Variants in GRIK4 observed in about 807,000 individuals in gnomAD.
GRIK4 encodes glutamate receptor ionotropic, kainate 4.
GRIK4 carries 40 observed loss-of-function variants against 104.9 expected under a neutral mutation model. The observed-to-expected ratio is 0.38, with a 90% confidence interval of 0.30 to 0.50. GRIK4 has a LOEUF of 0.50. Among genes scored for constraint, GRIK4 ranks in the 20% least tolerant of loss-of-function variants. The pLI is 0.93. For synonymous variants in GRIK4, 485 were observed against 524.9 expected (o/e 0.92, Z 1.04); for missense variants, 1,047 against 1,308.1 (o/e 0.80, Z 3.08).
chr11:120,782,874 G>A (rs1952186425), intron 3 of GRIK4, among the ~76,000 whole-genome samples: 1 of 152,184 alleles, frequency 6.6e-6, no homozygotes, highest in African/African-American at 2.4e-5. Context: ...TGTCACAACT[G>A]GGGAGGGTGC....
chr11:120,742,491 G>A (rs1951351526), intron 3 of GRIK4, among the ~76,000 whole-genome samples: 1 of 150,038 alleles, frequency 6.7e-6, no homozygotes. Context: ...CATCTCACAC[G>A]TTTCAGAATG....
rs77497457 is a variant in GRIK4 at position 120,964,296 on chromosome 11, G to A, written c.2266+1615G>A. Among the ~76,000 whole-genome samples the A allele has an allele frequency of 2.0e-5, 3 of 152,020 alleles. No homozygotes were observed. In the South Asian group the frequency reaches 6.2e-4, roughly 32 times the overall value. ...CGTGAGCCACCACTACTTGACAAAAGCAAATGACTTAAATTCTGATCAGAA... is the reference window on the plus strand; with the variant it reads ...CGTGAGCCACCACTACTTGACAAAAACAAATGACTTAAATTCTGATCAGAA... On this transcript the variant is annotated intron_variant, in intron 18 of 20. Transcript: ENST00000527524.
intron 11 of GRIK4, among the ~76,000 whole-genome samples, chr11:120,878,415 G>A (rs185260361): frequency 1.1e-3 from 167 of 152,214 alleles, no homozygotes; most frequent in African/African-American, 3.9e-3. Context: ...AAGAGTGTTC[G>A]TGAACTGCAG....
intron 4 of GRIK4, among the ~76,000 whole-genome samples, chr11:120,809,655 T>C (rs766812877): frequency 6.6e-6 from 1 of 152,262 alleles, no homozygotes; most frequent in African/African-American, 2.4e-5. Context: ...AGGCCATTTA[T>C]GATCCAGTGA....
At chr11:120,794,855 C>G (rs1309774009) in intron 3 of GRIK4, among the ~76,000 whole-genome samples, 1 of 152,040 alleles carries the variant, frequency 6.6e-6, no homozygotes, top group African/African-American at 2.4e-5. Context: ...CAGGTGGGGA[C>G]GAAGGCATGA....
rs767901005 is a variant in GRIK4, at chr11:120,956,970, A to G, written c.1874+17A>G. ...TGGCGTCTGGTAAGGCCCCAGGCAG[A>G]GGTGAACCAGGCCAGGTGGGGTGGG... On this transcript the variant is annotated intron_variant, in intron 16 of 20. Transcript: ENST00000527524. This position sits in a 1 kb window ranked among gnomAD's most constrained non-coding sequence, Gnocchi z 4.6. 6.4e-7 allele frequency: 1 copy of G among 1,572,530 alleles called. No homozygotes were observed. The highest frequency in any genetic ancestry group is 1.2e-5 in the South Asian group (1 of 83,844).
At chr11:120,607,681 AGGGGTGTG>A (rs1250189193) in intron 1 of GRIK4, among the ~76,000 whole-genome samples, 1 of 152,018 alleles carries the variant, frequency 6.6e-6, no homozygotes, top group African/African-American at 2.4e-5. Flanking sequence ...AATCCAGGAG[AGGGGTGTG>A]GGCGTGAGAC....
chr11:120,691,865 C>CCTGT (rs1950370186), intron 3 of GRIK4, among the ~76,000 whole-genome samples: 2 of 152,220 alleles, frequency 1.3e-5, no homozygotes, highest in Admixed American at 6.5e-5. Context: ...AACTGCTGTA[C>CCTGT]TGTTGCCTGT....
Position 120,986,028 on chromosome 11 carries a change from G to T in GRIK4, c.2639G>T (p.Arg880Leu). 6.6e-7 allele frequency: 1 copy of T among 1,524,952 alleles called. No individual in the cohort carries two copies. 94.5% of individuals were successfully genotyped at this position (1,524,952 alleles called of 1,614,324 possible). Residue 880 changes from arginine (R) to leucine (L), a missense_variant, in exon 21 of 21, where the codon CGA becomes CTA. Arg to Leu is a moderately radical substitution (Grantham distance 102, BLOSUM62 -2). Around this residue, in one of 3 missense-constraint regions of GRIK4, gnomAD observed 160 missense variants for 140.9 expected, o/e 1.14. Coordinates refer to ENST00000527524, the MANE Select transcript of GRIK4 (RefSeq NM_014619.5). The stretch of plus-strand genomic sequence containing the variant: ...CGGCCCCCCATCCCCGAGGAGCGCC[G>T]ACCGCGGGGCACGGCGACGCTCAGC... ...PPRPPIPEER[R>L]PRGTATLSNG...
intron 1 of GRIK4, among the ~76,000 whole-genome samples, chr11:120,634,379 C>T (rs1949370051): frequency 1.3e-5 from 2 of 152,138 alleles, no homozygotes; most frequent in Admixed American, 6.5e-5. Flanking sequence ...CCAGCTTTCC[C>T]CATTCCAAAG....
chr11:120,697,184 G>T (rs971427973), intron 3 of GRIK4, among the ~76,000 whole-genome samples: 1 of 152,198 alleles, frequency 6.6e-6, no homozygotes, highest in Middle Eastern at 3.2e-3. Context: ...TTCTATTCTT[G>T]AAGGAGGGAC....
At chr11:120,808,573 G>A (rs116124086) in intron 4 of GRIK4, among the ~76,000 whole-genome samples, 24 of 152,326 alleles carry the variant, frequency 1.6e-4, no homozygotes, top group Admixed American at 1.3e-3. Context: ...GTCATGGGGC[G>A]TGGCACTCAT....
chr11:120,966,857 G>A (rs887891187), intron 18 of GRIK4, among the ~76,000 whole-genome samples: 113 of 152,152 alleles, frequency 7.4e-4, no homozygotes, highest in African/African-American at 2.5e-3. Flanking sequence ...GATGGTGCCC[G>A]GCTGGGGAAG....
At chr11:120,782,191 G>A (rs926546184) in intron 3 of GRIK4, among the ~76,000 whole-genome samples, 1 of 152,034 alleles carries the variant, frequency 6.6e-6, no homozygotes, top group Non-Finnish European at 1.5e-5. Flanking sequence ...CTCAGCTAGA[G>A]CATAAGGTCC....
At chr11:120,693,490 A>G (rs1591810005) in intron 3 of GRIK4, among the ~76,000 whole-genome samples, 1 of 152,196 alleles carries the variant, frequency 6.6e-6, no homozygotes, top group South Asian at 2.1e-4. Context: ...CTGTTGGAGT[A>G]GTCTGTCCAT....
intron 1 of GRIK4, among the ~76,000 whole-genome samples, chr11:120,525,147 G>A (rs989890089): frequency 6.6e-6 from 1 of 151,982 alleles, no homozygotes; most frequent in African/African-American, 2.4e-5. Context: ...GGGAAGGGGC[G>A]CTGGGAAGGG....
rs1266854367 is a variant in GRIK4, at chr11:120,668,315, G to A, written c.82+7915G>A. The stretch of plus-strand genomic sequence containing the variant: ...AGAAAGAAAAAAGAAAAGAAAAGAA[G>A]AAAGGAAGGAAGGAAAGAAAGAAAA... On this transcript the variant is annotated intron_variant, in intron 3 of 20. Transcript: ENST00000527524. Among the ~76,000 whole-genome samples the A allele has an allele frequency of 2.8e-5, 4 of 141,638 alleles. No individual in the cohort carries two copies. In the East Asian group the frequency reaches 6.0e-4, roughly 21 times the overall value. The allele number at this position is 141,638 out of a possible 152,430, so 92.9% of individuals were successfully genotyped here.
At chr11:120,960,255 C>T (rs535248726) in intron 16 of GRIK4, among the ~76,000 whole-genome samples, 91 of 152,090 alleles carry the variant, frequency 6.0e-4, no homozygotes, top group Non-Finnish European at 1.2e-3. Flanking sequence ...CTTGAATCCA[C>T]GAGGTGGAGG....
chr11:120,673,865 C>T (rs1197028897), intron 3 of GRIK4, among the ~76,000 whole-genome samples: 1 of 152,200 alleles, frequency 6.6e-6, no homozygotes, highest in Non-Finnish European at 1.5e-5. Flanking sequence ...GTTTGCTTTT[C>T]CTTAGATTCA....
Sources: allele counts gnomAD v4.1 joint callset (sites outside exome capture counted in the v4.1 genomes callset), GRCh38; gene constraint gnomAD v4.1.1; regional missense constraint gnomAD v4.1.1; non-coding constraint Gnocchi (gnomAD v3.1); transcripts MANE v1.5; gene names NCBI Gene and HGNC (gene_info 2026-07-23, HGNC 2026-07-21).